Variants in RFC5 observed in about 807,000 individuals in gnomAD.
The protein encoded by RFC5 is replication factor C subunit 5.
A neutral mutation model predicts 44.3 loss-of-function variants in RFC5; 26 were observed. The observed-to-expected ratio is 0.59, with a 90% CI of 0.43 to 0.81. The LOEUF (loss-of-function observed/expected upper bound fraction) is 0.81. RFC5 is among the 40% of genes least tolerant of loss of function. The pLI is 0.00. For missense variants in RFC5, 328 were observed against 418.6 expected, an observed-to-expected ratio of 0.78 and a Z score of 1.89; for synonymous variants, 155 against 155.2, an observed-to-expected ratio of 1.00 and a Z score of 0.01.
At position 118,019,885 on chromosome 12, in the gene RFC5, A is replaced by C. The variant is rs1449865234; in HGVS notation, c.267+117A>C. The C allele has an allele frequency of 1.2e-6, 1 of 818,690 alleles. No individual in the cohort carries two copies. The highest frequency in any genetic ancestry group is 1.9e-6 in the Non-Finnish European group (1 of 527,818). 50.7% of individuals were successfully genotyped at this position (818,690 alleles called of 1,614,324 possible). A position where few individuals can be genotyped will look rare whatever the true frequency, so the allele number is the denominator to read the frequency against. ...GTTGCCCCACGGACAGTTAGGAAAG[A>C]AGTAAATTTGAATATTTTAATTCCC... On this transcript the variant is annotated intron_variant, in intron 3 of 10. Coordinates refer to ENST00000454402, the MANE Select transcript of RFC5 (RefSeq NM_007370.7). This position sits in a 1 kb window ranked among gnomAD's most constrained non-coding sequence, Gnocchi z 4.2.
At chr12:118,021,109 C>A in intron 4 of RFC5, 124 bp downstream of exon 4, 1 of 571,378 alleles carries the variant, frequency 1.8e-6, no homozygotes, top group Non-Finnish European at 3.1e-6. Context: ...TTGTCCAAAG[C>A]AACCATGGAA....
At chr12:118,036,201 CAAAAG>C (rs2031505858), downstream of RFC5, 1 of 1,079,952 alleles carries the variant, frequency 9.3e-7, no homozygotes, top group East Asian at 2.4e-5. Flanking sequence ...GACTCCGTCT[CAAAAG>C]AGACCCACTG....
intron 7 of RFC5, 34 bp downstream of exon 7, chr12:118,025,862 T>TTC: frequency 7.2e-7 from 1 of 1,392,928 alleles, no homozygotes; most frequent in Non-Finnish European, 1.0e-6. Flanking sequence ...TTTTTTTTTT[T>TTC]TTTTGAGACA....
chr12:118,026,420 T>C (rs2030945260), intron 7 of RFC5, among the ~76,000 whole-genome samples: 1 of 152,040 alleles, frequency 6.6e-6, no homozygotes, highest in South Asian at 2.1e-4. Flanking sequence ...CTGGGCAACA[T>C]AGTGAGACTC....
At chr12:118,037,256 A>G (rs1048682765), downstream of RFC5, among the ~76,000 whole-genome samples, 1 of 152,030 alleles carries the variant, frequency 6.6e-6, no homozygotes. Flanking sequence ...GGCATTTTAC[A>G]CCCCCCACCT....
downstream of RFC5, chr12:118,037,949 TTG>T (rs1566136381): frequency 5.1e-6 from 1 of 195,658 alleles, no homozygotes; most frequent in African/African-American, 2.3e-5. Flanking sequence ...GGATTCAAAT[TTG>T]ATGGTTCAAA....
the RFC5 span, among the ~76,000 whole-genome samples, chr12:118,039,718 T>A: frequency 6.6e-6 from 1 of 152,056 alleles, no homozygotes; most frequent in Non-Finnish European, 1.5e-5. Flanking sequence ...GATGTATGGA[T>A]CCACAAAAAT....
chr12:118,036,258 TAA>T (rs2031507043), downstream of RFC5: 4 of 1,486,888 alleles, frequency 2.7e-6, no homozygotes, highest in Admixed American at 5.8e-5. Flanking sequence ...TCCCAGATTC[TAA>T]AAGAGACATG....
At chr12:118,036,621 AT>A, downstream of RFC5, 1 of 1,144,226 alleles carries the variant, frequency 8.7e-7, no homozygotes, top group South Asian at 1.5e-5. Flanking sequence ...GCCAGGGCTG[AT>A]TCTCTATCCC....
chr12:118,030,883 C>T (rs1223641407), intron 10 of RFC5, among the ~76,000 whole-genome samples: 1 of 152,108 alleles, frequency 6.6e-6, no homozygotes, highest in Non-Finnish European at 1.5e-5. Context: ...GTGATTGGCC[C>T]GCCTCCCAAA....
At chr12:118,036,158 C>G, downstream of RFC5, 1 of 669,704 alleles carries the variant, frequency 1.5e-6, no homozygotes. Flanking sequence ...TCCAAGATTG[C>G]GCCACTGCAC....
intron 9 of RFC5, among the ~76,000 whole-genome samples, chr12:118,028,494 AC>A (rs57296514): frequency 0.041 from 6,229 of 150,266 alleles, 500 homozygotes; most frequent in African/African-American, 0.15. Flanking sequence ...AAAAAAAAAA[AC>A]AAAACAAAAC....
downstream of RFC5, among the ~76,000 whole-genome samples, chr12:118,037,593 G>A (rs139990136): frequency 0.11 from 16,830 of 151,418 alleles, 1,170 homozygotes; most frequent in Non-Finnish European, 0.15. Context: ...GCTTGAACCC[G>A]GGAAGCGGAG....
chr12:118,034,709 C>G (rs951197986), downstream of RFC5: 4 of 519,582 alleles, frequency 7.7e-6, no homozygotes, highest in Non-Finnish European at 1.4e-5. Context: ...TAAATGGTTT[C>G]CCATATATTA....
intron 9 of RFC5, among the ~76,000 whole-genome samples, chr12:118,028,833 A>T (rs1182563730): frequency 6.6e-6 from 1 of 152,194 alleles, no homozygotes; most frequent in African/African-American, 2.4e-5. Flanking sequence ...CACTCCAGAC[A>T]AATTAAGTCA....
At position 118,016,709 on chromosome 12, in the gene RFC5, T is replaced by A; in HGVS notation, c.-119T>A. ...ACTGGTGGCCGCGTCTCGCGAGAGTTGCTTTTGCGCGCGAACTGTAAGTGC... is the reference window on the plus strand; with the variant it reads ...ACTGGTGGCCGCGTCTCGCGAGAGTAGCTTTTGCGCGCGAACTGTAAGTGC... On this transcript the variant is annotated 5_prime_UTR_variant, in exon 1 of 11. Transcript: ENST00000454402. 1 of 820,476 alleles carries A rather than the reference T, an allele frequency of 1.2e-6. No homozygotes were observed. Among genetic ancestry groups the A allele is most frequent in the Non-Finnish European group, 2.0e-6 (1 of 492,952 alleles). The allele number at this position is 820,476 out of a possible 1,614,324, so 50.8% of individuals were successfully genotyped here. A position where few individuals can be genotyped will look rare whatever the true frequency, so the allele number is the denominator to read the frequency against.
At chr12:118,029,945 C>A in intron 10 of RFC5, 120 bp downstream of exon 10, 1 of 765,740 alleles carries the variant, frequency 1.3e-6, no homozygotes. Flanking sequence ...ACGGTACAAT[C>A]TAGTCTGGTG....
chr12:118,023,430 AGAGGAGGGGGTGAG>A (rs2030677378), intron 5 of RFC5, among the ~76,000 whole-genome samples: 1 of 28,418 alleles, frequency 3.5e-5, no homozygotes, highest in South Asian at 2.0e-3. Context: ...GAGGGGAGGA[AGAGGAGGGGGTGAG>A]GAGGAGGAGG....
downstream of RFC5, among the ~76,000 whole-genome samples, chr12:118,037,062 A>G (rs149322428): frequency 1.8e-3 from 280 of 152,294 alleles, 2 homozygotes; most frequent in African/African-American, 6.5e-3. Context: ...CACGCCTGTA[A>G]GCCCAGCTAT....
Sources: gnomAD v4.1 joint callset for allele counts (sites outside exome capture counted in the v4.1 genomes callset) on GRCh38, gnomAD v4.1.1 for gene constraint, Gnocchi (gnomAD v3.1) non-coding constraint, MANE v1.5 for transcripts, NCBI Gene and HGNC (gene_info 2026-07-23, HGNC 2026-07-21) for gene names.